The following MLLT3 variants were observed in gnomAD, a reference collection of about 807,000 sequenced individuals.
MLLT3 encodes the protein protein AF-9.
A neutral mutation model predicts 53.2 loss-of-function variants in MLLT3; 4 were observed. That is an observed-to-expected ratio of 0.08 (90% CI 0.04 to 0.17). The LOEUF is 0.17. MLLT3 is among the 10% of genes least tolerant of loss of function. The pLI, the probability that MLLT3 is intolerant of heterozygous loss-of-function variation, is 1.00. For synonymous variants in MLLT3, 283 were observed against 230.6 expected, an observed-to-expected ratio of 1.23 and a Z score of -2.06; for missense variants, 569 against 684.0, an observed-to-expected ratio of 0.83 and a Z score of 1.87.
intron 2 of MLLT3, among the ~76,000 whole-genome samples, chr9:20,518,559 C>A (rs2118975040): frequency 6.6e-6 from 1 of 152,198 alleles, no homozygotes. Context: ...GTATCTCTCC[C>A]AAGACACTTA....
At chr9:20,459,988 G>C (rs1371713102) in intron 2 of MLLT3, among the ~76,000 whole-genome samples, 1 of 152,080 alleles carries the variant, frequency 6.6e-6, no homozygotes, top group Non-Finnish European at 1.5e-5. Context: ...GTCAAATTAG[G>C]GGAAGTTGTT....
At chr9:20,432,094 T>A (rs1823286444) in intron 4 of MLLT3, among the ~76,000 whole-genome samples, 1 of 152,156 alleles carries the variant, frequency 6.6e-6, no homozygotes, top group African/African-American at 2.4e-5. Flanking sequence ...ATTCCTGATG[T>A]CAAAATCTTC....
At chr9:20,486,346 G>A (rs867119482) in intron 2 of MLLT3, among the ~76,000 whole-genome samples, 22 of 151,962 alleles carry the variant, frequency 1.4e-4, no homozygotes, top group Middle Eastern at 6.8e-3. Context: ...AAGAAACACA[G>A]GTTACCTATA....
intron 4 of MLLT3, among the ~76,000 whole-genome samples, chr9:20,418,864 CT>C (rs1283572750): frequency 1.3e-5 from 2 of 152,168 alleles, no homozygotes; most frequent in Non-Finnish European, 2.9e-5. Flanking sequence ...AGAGTCTGCT[CT>C]TAGGGCTGCA....
At chr9:20,466,991 G>A (rs1321566255) in intron 2 of MLLT3, among the ~76,000 whole-genome samples, 1 of 152,166 alleles carries the variant, frequency 6.6e-6, no homozygotes, top group Admixed American at 6.5e-5. Flanking sequence ...CTTGGTATAA[G>A]TAGGTTATAA....
At chr9:20,529,459 A>C (rs1409858443) in intron 2 of MLLT3, among the ~76,000 whole-genome samples, 2 of 152,140 alleles carry the variant, frequency 1.3e-5, no homozygotes, top group Non-Finnish European at 2.9e-5. Flanking sequence ...ATGTTAGCAG[A>C]ATGTCAAACC....
intron 2 of MLLT3, among the ~76,000 whole-genome samples, chr9:20,608,126 TTTC>T (rs768830379): frequency 6.6e-6 from 1 of 152,020 alleles, no homozygotes; most frequent in Non-Finnish European, 1.5e-5. Flanking sequence ...GTACTTTTTA[TTTC>T]TTAAAAGTTC....
intron 2 of MLLT3, among the ~76,000 whole-genome samples, chr9:20,518,103 G>A (rs1005133626): frequency 6.6e-6 from 1 of 152,162 alleles, no homozygotes; most frequent in Non-Finnish European, 1.5e-5. Flanking sequence ...ACTTTGGGAG[G>A]TGGAGGCAGA....
At chr9:20,502,092 A>AGGG (rs1563789832) in intron 2 of MLLT3, among the ~76,000 whole-genome samples, 3 of 114,520 alleles carry the variant, frequency 2.6e-5, no homozygotes, top group East Asian at 2.8e-4. Flanking sequence ...AAAAAAAAAA[A>AGGG]AGGGGGGGGG....
At chr9:20,524,404 T>C (rs1036919289) in intron 2 of MLLT3, among the ~76,000 whole-genome samples, 5 of 152,094 alleles carry the variant, frequency 3.3e-5, no homozygotes, top group African/African-American at 1.2e-4. Flanking sequence ...ATAAAACTAC[T>C]GCATAGTACA....
At chr9:20,599,337 T>C (rs1820357965) in intron 2 of MLLT3, among the ~76,000 whole-genome samples, 1 of 151,240 alleles carries the variant, frequency 6.6e-6, no homozygotes, top group Non-Finnish European at 1.5e-5. Context: ...TTTCTTTGAG[T>C]ATCATGCAAT....
At chr9:20,615,068 G>A (rs1401763787) in intron 2 of MLLT3, among the ~76,000 whole-genome samples, 2 of 152,136 alleles carry the variant, frequency 1.3e-5, no homozygotes, top group African/African-American at 4.8e-5. Flanking sequence ...GATAGGCCGG[G>A]CACAATGGCT....
intron 4 of MLLT3, among the ~76,000 whole-genome samples, chr9:20,441,596 C>A (rs1823557058): frequency 6.6e-6 from 1 of 152,128 alleles, no homozygotes; most frequent in South Asian, 2.1e-4. Context: ...AAGCAGCCTG[C>A]TTCGTCTTAC....
At chr9:20,588,425 C>T (rs984510105) in intron 2 of MLLT3, among the ~76,000 whole-genome samples, 4 of 151,864 alleles carry the variant, frequency 2.6e-5, no homozygotes, top group Non-Finnish European at 5.9e-5. Context: ...CTGTAAATTA[C>T]CTTGGGCAGT....
intron 2 of MLLT3, among the ~76,000 whole-genome samples, chr9:20,569,815 G>A (rs10964620): frequency 0.69 from 104,418 of 151,646 alleles, 36,154 homozygotes; most frequent in African/African-American, 0.74. Context: ...CTATGTATAC[G>A]TAAAGCTCAG....
chr9:20,366,982 G>GT (rs1821470458), intron 5 of MLLT3, among the ~76,000 whole-genome samples: 1 of 152,206 alleles, frequency 6.6e-6, no homozygotes, highest in African/African-American at 2.4e-5. Context: ...TAATTTAACT[G>GT]TGGCCCAAGG....
At chr9:20,379,163 G>C (rs1821848623) in intron 5 of MLLT3, among the ~76,000 whole-genome samples, 1 of 152,006 alleles carries the variant, frequency 6.6e-6, no homozygotes, top group Non-Finnish European at 1.5e-5. Context: ...GGGTATTTGG[G>C]ATTAGGGAGG....
At chr9:20,455,572 G>A (rs1486901484) in intron 3 of MLLT3, among the ~76,000 whole-genome samples, 1 of 152,100 alleles carries the variant, frequency 6.6e-6, no homozygotes, top group Non-Finnish European at 1.5e-5. Flanking sequence ...GCTATCCAAA[G>A]AACCATATTT....
chr9:20,384,176 T>TA (rs1194302681), intron 5 of MLLT3, among the ~76,000 whole-genome samples: 1 of 152,000 alleles, frequency 6.6e-6, no homozygotes, highest in Admixed American at 6.6e-5. Context: ...GTCTTGGTAG[T>TA]AAAAAGACAA....
Sources: allele counts gnomAD v4.1 joint callset (sites outside exome capture counted in the v4.1 genomes callset), GRCh38; gene constraint gnomAD v4.1.1; transcripts MANE v1.5; gene names NCBI Gene and HGNC (gene_info 2026-07-23, HGNC 2026-07-21).